SLC6A3: variants seen among roughly 807,000 people sequenced by gnomAD.
SLC6A3 encodes the protein solute carrier family 6 member 3, also known as sodium-dependent dopamine transporter.
In SLC6A3, 19 loss-of-function variants were observed where a neutral mutation model predicts 70.4. The observed-to-expected ratio is 0.27, with a 90% CI of 0.19 to 0.40. SLC6A3 has a LOEUF of 0.40. Among genes scored for constraint, SLC6A3 ranks in the 10% least tolerant of loss-of-function variants. SLC6A3 has a pLI of 1.00. For missense variants in SLC6A3, 613 were observed against 838.5 expected, an observed-to-expected ratio of 0.73 and a Z score of 3.32; for synonymous variants, 368 against 356.6, an observed-to-expected ratio of 1.03 and a Z score of -0.36.
chr5:1,423,196 T>G lies in SLC6A3; in HGVS notation c.654-1182A>C, dbSNP rs1240414160. Among the ~76,000 whole-genome samples the G allele has an allele frequency of 5.4e-5, 3 of 55,384 alleles. 1 individual carries two copies. The highest frequency in any genetic ancestry group is 3.1e-5 in the Non-Finnish European group (1 of 32,674). The allele number at this position is 55,384 out of a possible 152,430, so 36.3% of individuals were successfully genotyped here. ...CTGCTGGGTACCCACTGCTGCCCAGTGCTGCCCATGGTGCTGGGTACCCAC... is the reference window on the plus strand; with the variant it reads ...CTGCTGGGTACCCACTGCTGCCCAGGGCTGCCCATGGTGCTGGGTACCCAC... On this transcript the variant is annotated intron_variant, in intron 4 of 14. Transcript: ENST00000270349.
Position 1,442,652 on chromosome 5 carries a change from G to T in SLC6A3, c.286+260C>A, listed in dbSNP as rs573528512. On this transcript the variant is annotated intron_variant, in intron 2 of 14. Coordinates refer to ENST00000270349, the MANE Select transcript of SLC6A3 (RefSeq NM_001044.5). The surrounding 1 kb of genome is among the most constrained non-coding windows in gnomAD (Gnocchi z 5.0). ...GCAGAGCCAAGCTGCCCCGTCTGCC[G>T]CCCCCCACCCCCCAGCTTCTTCGCG... Among the ~76,000 whole-genome samples the T allele has an allele frequency of 1.3e-5, 2 of 151,618 alleles. No individual in the cohort carries two copies. The highest frequency in any genetic ancestry group is 2.9e-5 in the Non-Finnish European group (2 of 67,874).
chr5:1,412,502 C>T (rs558627078), intron 8 of SLC6A3, among the ~76,000 whole-genome samples: 31 of 152,354 alleles, frequency 2.0e-4, no homozygotes, highest in African/African-American at 5.5e-4. Context: ...GGAAACGACA[C>T]GTGCTTCCTG....
rs970843192 is a variant in SLC6A3 at position 1,413,483 on chromosome 5, C to T, written c.1156+1208G>A. Among the ~76,000 whole-genome samples, 10 of 152,300 alleles carry T rather than the reference C, an allele frequency of 6.6e-5. No homozygotes were observed. The highest frequency in any genetic ancestry group is 3.4e-3 in the Middle Eastern group (1 of 294). On this transcript the variant is annotated intron_variant, in intron 8 of 14. Transcript: ENST00000270349. The surrounding 1 kb of genome is among the most constrained non-coding windows in gnomAD (Gnocchi z 7.1). ...AAGGCTGCCCCCGCTTGGTGCTTGT[C>T]GCTCCCCGCCTTCACTGAGCCTCAA...
At chr5:1,432,971 T>C (rs1756740618) in intron 3 of SLC6A3, among the ~76,000 whole-genome samples, 1 of 151,728 alleles carries the variant, frequency 6.6e-6, no homozygotes, top group African/African-American at 2.4e-5. Flanking sequence ...CTGAGAGACA[T>C]CCAGAGCCAG....
chr5:1,442,823 T>A lies in SLC6A3; in HGVS notation c.286+89A>T. 1 of 1,344,668 alleles carries A rather than the reference T, an allele frequency of 7.4e-7. No homozygotes were observed. Among genetic ancestry groups the A allele is most frequent in the Non-Finnish European group, 1.1e-6 (1 of 939,296 alleles). 83.3% of individuals were successfully genotyped at this position (1,344,668 alleles called of 1,614,324 possible). On this transcript the variant is annotated intron_variant, in intron 2 of 14. Transcript: ENST00000270349. This position sits in a 1 kb window ranked among gnomAD's most constrained non-coding sequence, Gnocchi z 5.0. ...TCCGTCTTCACGCATGGGAACAGCT[T>A]CATCTCGTTTCCGTACGTGCCTTGG...
rs952878130 is a variant in SLC6A3 at position 1,394,797 on chromosome 5, A to G, written c.1840-39T>C. 1.2e-6 allele frequency: 2 copies of G among 1,610,932 alleles called. No individual in the cohort carries two copies. Among genetic ancestry groups the G allele is most frequent in the African/African-American group, 2.7e-5 (2 of 74,886 alleles). On this transcript the variant is annotated intron_variant, in intron 14 of 14. Coordinates refer to ENST00000270349, the MANE Select transcript of SLC6A3 (RefSeq NM_001044.5). The surrounding 1 kb of genome is among the most constrained non-coding windows in gnomAD (Gnocchi z 4.7). Reference sequence around the variant, plus strand: ...AGGTTTAGTCAGAAACCCTGGGGCGATGCCCCATTTAAGAGCAGCTGAAGG... The same window carrying G: ...AGGTTTAGTCAGAAACCCTGGGGCGGTGCCCCATTTAAGAGCAGCTGAAGG...
intron 14 of SLC6A3, among the ~76,000 whole-genome samples, chr5:1,398,754 T>C (rs923868857): frequency 2.0e-5 from 3 of 152,228 alleles, no homozygotes; most frequent in African/African-American, 7.2e-5. Flanking sequence ...AAAAGCATCA[T>C]TAGGGAGTGA....
chr5:1,434,983 AGGTCTTCTCCTATGTGGATCT>A (rs1287230463), intron 3 of SLC6A3, among the ~76,000 whole-genome samples: 1 of 152,232 alleles, frequency 6.6e-6, no homozygotes, highest in Admixed American at 6.5e-5. Flanking sequence ...TGCCTTTGGA[AGGTCTTCTCCTATGTGGATCT>A]GGTCCATATT....
chr5:1,443,108 C>G lies in SLC6A3; in HGVS notation c.90G>C (p.Glu30Asp), dbSNP rs1395371775. Residue 30 changes from glutamate (E) to aspartate (D), a missense_variant, in exon 2 of 15, where the codon GAG (glutamate) becomes GAC (aspartate). Glu to Asp is a conservative substitution (Grantham distance 45, BLOSUM62 2). Transcript: ENST00000270349. ...EPNAVGPKEVELILVKEQNGV... is the reference protein window; with the variant it reads ...EPNAVGPKEVDLILVKEQNGV... Reference sequence around the variant, plus strand: ...CGTTCTGCTCCTTGACAAGGATGAGCTCCACCTCCTTCGGGCCCACGGCAT... The same window carrying G: ...CGTTCTGCTCCTTGACAAGGATGAGGTCCACCTCCTTCGGGCCCACGGCAT... 6.2e-7 allele frequency: 1 copy of G among 1,614,250 alleles called. No homozygotes were observed. Among genetic ancestry groups the G allele is most frequent in the South Asian group, 1.1e-5 (1 of 91,088 alleles).
intron 3 of SLC6A3, among the ~76,000 whole-genome samples, chr5:1,434,653 C>T (rs1314011558): frequency 6.6e-6 from 1 of 152,206 alleles, no homozygotes; most frequent in Non-Finnish European, 1.5e-5. Context: ...TCTCAGTTTA[C>T]TGACATGATT....
At position 1,411,835 on chromosome 5, in the gene SLC6A3, TACC is replaced by T. The variant is rs2126345269; in HGVS notation, c.1157-483_1157-481del. 1.3e-5 allele frequency among the ~76,000 whole-genome samples: 2 copies of T among 149,760 alleles called. 1 individual carries two copies. The highest frequency in any genetic ancestry group is 4.9e-5 in the African/African-American group (2 of 40,492). The stretch of plus-strand genomic sequence containing the variant: ...TGCAACATACACACTCAGACACACA[TACC>T]ATGCAACATACACACTCAGACACAC... On this transcript the variant is annotated intron_variant, in intron 8 of 14. Coordinates refer to ENST00000270349, the MANE Select transcript of SLC6A3 (RefSeq NM_001044.5). The surrounding 1 kb of genome is among the most constrained non-coding windows in gnomAD (Gnocchi z 6.5).
rs547385067 is a variant in SLC6A3 at position 1,402,266 on chromosome 5, C to T, written c.1767+656G>A. On this transcript the variant is annotated intron_variant, in intron 13 of 14. Coordinates refer to ENST00000270349, the MANE Select transcript of SLC6A3 (RefSeq NM_001044.5). The surrounding 1 kb of genome is among the most constrained non-coding windows in gnomAD (Gnocchi z 8.5). Reference sequence around the variant, plus strand: ...GGAGTGTCCTTGTCTCTTCCTGGAACCACAGAGCCAGGGTGTTAAACAGGG... The same window carrying T: ...GGAGTGTCCTTGTCTCTTCCTGGAATCACAGAGCCAGGGTGTTAAACAGGG... Among the ~76,000 whole-genome samples the T allele has an allele frequency of 2.9e-4, 44 of 151,918 alleles. No individual in the cohort carries two copies. The highest frequency in any genetic ancestry group is 4.6e-4 in the Admixed American group (7 of 15,250).
At chr5:1,445,029 G>A (rs992321722) in intron 1 of SLC6A3, among the ~76,000 whole-genome samples, 5 of 152,182 alleles carry the variant, frequency 3.3e-5, no homozygotes, top group African/African-American at 1.2e-4. Context: ...AAGAAACCAG[G>A]ACCCCCGAGT....
At chr5:1,410,834 GTGTGTTCGTGTGTGTTCATGTA>G (rs1204625749) in intron 9 of SLC6A3, among the ~76,000 whole-genome samples, 3 of 151,988 alleles carry the variant, frequency 2.0e-5, no homozygotes, top group African/African-American at 2.4e-5. Context: ...GTGTGCATGT[GTGTGTTCGTGTGTGTTCATGTA>G]TGTGTGCGTG....
chr5:1,409,012 T>C lies in SLC6A3; in HGVS notation c.1498+14A>G, dbSNP rs429699. 1,566,311 of 1,590,154 alleles carry C rather than the reference T, an allele frequency of 0.99. 773,574 individuals carry two copies. The highest frequency in any genetic ancestry group is 1 in the Non-Finnish European group (1,158,994 of 1,159,852). Reference sequence around the variant, plus strand: ...CAAGAGGGTGCCGGCTTGGCTGCCTTCCCCCGGACTCACCATAGAACCAGG... The same window carrying C: ...CAAGAGGGTGCCGGCTTGGCTGCCTCCCCCCGGACTCACCATAGAACCAGG... On this transcript the variant is annotated intron_variant, in intron 11 of 14. Coordinates refer to ENST00000270349, the MANE Select transcript of SLC6A3 (RefSeq NM_001044.5).
At chr5:1,418,643 A>G (rs1374405046) in intron 6 of SLC6A3, among the ~76,000 whole-genome samples, 1 of 149,910 alleles carries the variant, frequency 6.7e-6, no homozygotes, top group Admixed American at 6.6e-5. Context: ...CCATCCATCC[A>G]TGCTATCCAG....
At chr5:1,416,563 C>T (rs1756296689) in intron 6 of SLC6A3, 1 of 336,068 alleles carries the variant, frequency 3.0e-6, no homozygotes, top group South Asian at 3.2e-5. Context: ...ACCCTCGGAA[C>T]AGCACGGCCT....
intron 6 of SLC6A3, among the ~76,000 whole-genome samples, chr5:1,419,502 T>C (rs903122314): frequency 1.3e-5 from 2 of 152,382 alleles, no homozygotes; most frequent in Admixed American, 1.3e-4. Context: ...GCTGGAGCAC[T>C]AGGCTCTACG....
chr5:1,395,179 A>C (rs1380212722), intron 14 of SLC6A3, among the ~76,000 whole-genome samples: 1 of 152,136 alleles, frequency 6.6e-6, no homozygotes, highest in Non-Finnish European at 1.5e-5. Context: ...TGGGGGCCTC[A>C]GATGCTCCAT....
Sources: gnomAD v4.1 joint callset for allele counts (sites outside exome capture counted in the v4.1 genomes callset) on GRCh38, gnomAD v4.1.1 for gene constraint, Gnocchi (gnomAD v3.1) non-coding constraint, MANE v1.5 for transcripts, NCBI Gene and HGNC (gene_info 2026-07-23, HGNC 2026-07-21) for gene names.